COBL: variants seen among roughly 807,000 people sequenced by gnomAD.
The protein encoded by COBL is cordon-bleu WH2 repeat protein.
A neutral mutation model predicts 98.8 loss-of-function variants in COBL; 51 were observed. That is an observed-to-expected ratio of 0.52 (90% CI 0.41 to 0.65). The LOEUF (loss-of-function observed/expected upper bound fraction) is 0.65, where lower values mean the gene tolerates loss of function less well. COBL is among the 30% of genes least tolerant of loss of function. The pLI is 0.00. For missense variants in COBL, 1,617 were observed against 1,617.5 expected (o/e 1.00, Z 0.01); for synonymous variants, 634 against 651.7 (o/e 0.97, Z 0.41).
chr7:51,281,179 A>G, intron 1 of COBL, among the ~76,000 whole-genome samples: 1 of 152,144 alleles, frequency 6.6e-6, no homozygotes, highest in East Asian at 1.9e-4. Context: ...AAAATGAAAA[A>G]CTCAAGGAAT....
intron 7 of COBL, among the ~76,000 whole-genome samples, chr7:51,053,953 G>T (rs1562849158): frequency 6.6e-6 from 1 of 152,378 alleles, no homozygotes; most frequent in South Asian, 2.1e-4. Context: ...GGCCGAGGTG[G>T]GTGGATGACT....
intron 5 of COBL, among the ~76,000 whole-genome samples, chr7:51,148,592 C>T (rs1329091719): frequency 2.0e-5 from 3 of 152,192 alleles, no homozygotes; most frequent in Admixed American, 2.0e-4. Flanking sequence ...TTGACTTACT[C>T]CCAAATTTTC....
At chr7:51,220,425 T>TA (rs2129088980) in intron 1 of COBL, among the ~76,000 whole-genome samples, 1 of 152,272 alleles carries the variant, frequency 6.6e-6, no homozygotes, top group African/African-American at 2.4e-5. Context: ...TGTGTTGTGC[T>TA]AAATTAGCCA....
intron 6 of COBL, among the ~76,000 whole-genome samples, chr7:51,130,279 A>G (rs1798616573): frequency 6.6e-6 from 1 of 152,156 alleles, no homozygotes; most frequent in Non-Finnish European, 1.5e-5. Flanking sequence ...CCAGGAGGCC[A>G]ACTGGCTGAG....
chr7:51,087,945 G>A (rs1451156122), intron 6 of COBL, among the ~76,000 whole-genome samples: 1 of 151,964 alleles, frequency 6.6e-6, no homozygotes, highest in Non-Finnish European at 1.5e-5. Flanking sequence ...AGGAACCTAG[G>A]ATGAAAAGAA....
At chr7:51,144,924 C>A (rs1784880691) in intron 5 of COBL, among the ~76,000 whole-genome samples, 1 of 152,218 alleles carries the variant, frequency 6.6e-6, no homozygotes, top group Non-Finnish European at 1.5e-5. Flanking sequence ...ACATTCTTAT[C>A]CACTCATCTG....
intron 2 of COBL, among the ~76,000 whole-genome samples, chr7:51,209,052 A>C (rs1792133454): frequency 9.4e-6 from 1 of 106,588 alleles, no homozygotes; most frequent in South Asian, 3.0e-4. Context: ...CAATTAAAAA[A>C]AAAAAAAAAA....
At chr7:51,188,563 C>T (rs1186926294) in intron 4 of COBL, among the ~76,000 whole-genome samples, 2 of 152,226 alleles carry the variant, frequency 1.3e-5, no homozygotes, top group African/African-American at 2.4e-5. Context: ...GCAGAGCCCC[C>T]ATGGTGGGGA....
chr7:51,125,152 G>T (rs571922033), intron 6 of COBL, among the ~76,000 whole-genome samples: 2 of 152,152 alleles, frequency 1.3e-5, no homozygotes, highest in Non-Finnish European at 2.9e-5. Flanking sequence ...CTAATCCCCA[G>T]TGTGTGACTA....
intron 7 of COBL, among the ~76,000 whole-genome samples, chr7:51,061,416 T>A (rs1268037453): frequency 6.6e-6 from 1 of 152,144 alleles, no homozygotes; most frequent in East Asian, 1.9e-4. Context: ...GGACTTTACC[T>A]TCTCTTCTGG....
intron 5 of COBL, among the ~76,000 whole-genome samples, chr7:51,142,863 GC>G (rs1784667163): frequency 6.6e-6 from 1 of 152,146 alleles, no homozygotes; most frequent in Non-Finnish European, 1.5e-5. Context: ...AAGGAAATGA[GC>G]CCCGGGGTGC....
At chr7:51,110,424 T>C (rs1401118362) in intron 6 of COBL, among the ~76,000 whole-genome samples, 1 of 152,258 alleles carries the variant, frequency 6.6e-6, no homozygotes, top group Non-Finnish European at 1.5e-5. Context: ...TCCATGTCGC[T>C]GTAAATGACA....
At chr7:51,313,678 C>T (rs182547408) in intron 1 of COBL, among the ~76,000 whole-genome samples, 6 of 152,216 alleles carry the variant, frequency 3.9e-5, no homozygotes, top group Non-Finnish European at 7.3e-5. Flanking sequence ...AAACAGCAAG[C>T]CTTCTTCTGT....
At chr7:51,048,855 AAGTG>A (rs1381090134) in intron 7 of COBL, among the ~76,000 whole-genome samples, 4 of 152,322 alleles carry the variant, frequency 2.6e-5, no homozygotes, top group African/African-American at 9.6e-5. Flanking sequence ...TGCATTTCAT[AAGTG>A]AGTGAGGCTT....
At chr7:51,083,155 T>TGGGGGGTTGGGGGGGGGG in intron 7 of COBL, 2 of 605,180 alleles carry the variant, frequency 3.3e-6, no homozygotes, top group South Asian at 2.3e-5. Flanking sequence ...AGGGCGGGGG[T>TGGGGGGTTGGGGGGGGGG]GGGGGAAGCA....
intron 1 of COBL, among the ~76,000 whole-genome samples, chr7:51,272,178 C>A (rs187936956): frequency 1.2e-3 from 189 of 152,300 alleles, no homozygotes; most frequent in Non-Finnish European, 1.9e-3. Flanking sequence ...ATCTTCAGTG[C>A]CAATCAGGGC....
chr7:51,264,298 C>A (rs1016855183), intron 1 of COBL, among the ~76,000 whole-genome samples: 2 of 152,146 alleles, frequency 1.3e-5, no homozygotes, highest in African/African-American at 4.8e-5. Context: ...AGGATGCAGC[C>A]ACACAGGGCA....
chr7:51,261,671 A>G (rs1455118180), intron 1 of COBL, among the ~76,000 whole-genome samples: 1 of 152,182 alleles, frequency 6.6e-6, no homozygotes, highest in Non-Finnish European at 1.5e-5. Context: ...GTGTTGAAAG[A>G]AGGCAGCCCG....
chr7:51,197,561 T>C (rs945492471), intron 2 of COBL, among the ~76,000 whole-genome samples: 1 of 152,228 alleles, frequency 6.6e-6, no homozygotes, highest in Non-Finnish European at 1.5e-5. Flanking sequence ...GTTCAGGTCC[T>C]GAATATCTTT....
Sources: allele counts gnomAD v4.1 joint callset (sites outside exome capture counted in the v4.1 genomes callset), GRCh38; gene constraint gnomAD v4.1.1; transcripts MANE v1.5; gene names NCBI Gene and HGNC (gene_info 2026-07-23, HGNC 2026-07-21).